KCNH1: variants seen among roughly 807,000 people sequenced by gnomAD.
KCNH1 encodes voltage-gated delayed rectifier potassium channel KCNH1.
Under a neutral mutation model 69.2 loss-of-function variants are expected in KCNH1, and 27 were observed. The observed-to-expected ratio is 0.39, with a 90% CI of 0.29 to 0.54. KCNH1 has a LOEUF of 0.54. Among genes scored for constraint, KCNH1 ranks in the 20% least tolerant of loss-of-function variants. KCNH1 has a pLI of 0.68. For missense variants in KCNH1, 798 were observed against 1,261.6 expected, an observed-to-expected ratio of 0.63 and a Z score of 5.57; for synonymous variants, 456 against 487.7, an observed-to-expected ratio of 0.93 and a Z score of 0.86.
intron 5 of KCNH1, among the ~76,000 whole-genome samples, chr1:211,059,415 T>C (rs548736717): frequency 1.3e-5 from 2 of 152,110 alleles, no homozygotes; most frequent in East Asian, 1.9e-4. Context: ...CACCCATATA[T>C]GTAAAGCAAA....
chr1:210,864,899 C>T (rs1210112957), intron 7 of KCNH1, among the ~76,000 whole-genome samples: 4 of 152,182 alleles, frequency 2.6e-5, no homozygotes, highest in African/African-American at 9.7e-5. Context: ...CAGCTAGAAC[C>T]TGAAGCTGTA....
At chr1:210,825,859 T>TATCATTCCTCATACA in intron 7 of KCNH1, among the ~76,000 whole-genome samples, 1 of 152,332 alleles carries the variant, frequency 6.6e-6, no homozygotes, top group East Asian at 1.9e-4. Flanking sequence ...GAGGAACTGG[T>TATCATTCCTCATACA]ATTTCACTTG....
chr1:211,124,202 G>A (rs151334515), intron 1 of KCNH1, among the ~76,000 whole-genome samples: 2 of 152,170 alleles, frequency 1.3e-5, no homozygotes, highest in East Asian at 1.9e-4. Flanking sequence ...GTATTTTATC[G>A]AGCTTGTAGG....
intron 10 of KCNH1, among the ~76,000 whole-genome samples, chr1:210,721,358 G>C (rs550467688): frequency 6.6e-6 from 1 of 152,310 alleles, no homozygotes; most frequent in African/African-American, 2.4e-5. Flanking sequence ...AAATTCTTCA[G>C]CGCAAGAGTT....
chr1:210,859,386 G>C, intron 7 of KCNH1: 1 of 1,566,830 alleles, frequency 6.4e-7, no homozygotes, highest in Non-Finnish European at 8.8e-7. Context: ...GATTTCGAAT[G>C]GTTTGAAAGA....
rs148849808 is a variant in KCNH1, at chr1:210,943,524, T to A, written c.1033-23455A>T. Among the ~76,000 whole-genome samples, 303 of 147,844 alleles carry A rather than the reference T, an allele frequency of 2.0e-3. 2 individuals are homozygous for A. The highest frequency in any genetic ancestry group is 6.8e-3 in the African/African-American group (272 of 40,292). On this transcript the variant is annotated intron_variant, in intron 6 of 10. Coordinates refer to ENST00000271751, the MANE Select transcript of KCNH1 (RefSeq NM_172362.3). ...CCGCCACGCCCGGCTAATTTTTGTA[T>A]TTTTTTTTTAGCAGAGACGGAGTTT...
At chr1:210,826,575 C>A (rs1685035877) in intron 7 of KCNH1, among the ~76,000 whole-genome samples, 1 of 152,188 alleles carries the variant, frequency 6.6e-6, no homozygotes, top group Non-Finnish European at 1.5e-5. Context: ...ATTATTTTTA[C>A]TTTTCCTTTC....
rs1246856856 is a variant in KCNH1 at position 210,806,806 on chromosome 1, CCAA to C, written c.1463-2643_1463-2641del. Among the ~76,000 whole-genome samples, 171 of 86,256 alleles carry C rather than the reference CCAA, an allele frequency of 2.0e-3. 17 individuals are homozygous for C. The highest frequency in any genetic ancestry group is 7.1e-3 in the African/African-American group (140 of 19,744). The allele number at this position is 86,256 out of a possible 152,430, so 56.6% of individuals were successfully genotyped here. On this transcript the variant is annotated intron_variant, in intron 7 of 10. Transcript: ENST00000271751. Reference sequence around the variant, plus strand: ...CCAATATGGTGAAACCCCATCTCTACCAAAAAAAAAAAAAAAAAAAAAAAAAAA... The same window carrying C: ...CCAATATGGTGAAACCCCATCTCTACAAAAAAAAAAAAAAAAAAAAAAAAA...
intron 1 of KCNH1, among the ~76,000 whole-genome samples, chr1:211,126,030 G>A (rs1307596695): frequency 6.6e-6 from 1 of 152,176 alleles, no homozygotes; most frequent in Admixed American, 6.5e-5. Flanking sequence ...TGAGAATCAA[G>A]GGAGATGCTG....
intron 6 of KCNH1, among the ~76,000 whole-genome samples, chr1:210,967,131 C>T (rs1009332582): frequency 2.6e-5 from 4 of 151,746 alleles, no homozygotes; most frequent in African/African-American, 9.7e-5. Flanking sequence ...AATGAGAACA[C>T]ATGGACACAG....
rs142575119 is a variant in KCNH1, at chr1:210,983,740, G to A, written c.1032+35043C>T. Among the ~76,000 whole-genome samples the A allele has an allele frequency of 8.5e-5, 13 of 152,200 alleles. No homozygotes were observed. The East Asian group carries it at 2.3e-3, about 27-fold the overall frequency. On this transcript the variant is annotated intron_variant, in intron 6 of 10. Transcript: ENST00000271751. ...AGCTTTGTTCTTTTGGCTTAGCATC[G>A]ACTTGGCGATGCGGGCTCTTTTTTG...
intron 10 of KCNH1, among the ~76,000 whole-genome samples, chr1:210,718,694 A>G (rs1431625924): frequency 7.4e-6 from 1 of 134,278 alleles, no homozygotes; most frequent in Non-Finnish European, 1.6e-5. Flanking sequence ...ACACACACAT[A>G]TATATATACA....
intron 7 of KCNH1, among the ~76,000 whole-genome samples, chr1:210,863,932 T>A (rs1354306807): frequency 6.6e-6 from 1 of 151,750 alleles, no homozygotes; most frequent in Non-Finnish European, 1.5e-5. Flanking sequence ...CTCCCGATCA[T>A]ACAAGCACAT....
At chr1:211,047,752 TAGC>T (rs1690118676) in intron 5 of KCNH1, among the ~76,000 whole-genome samples, 4 of 152,058 alleles carry the variant, frequency 2.6e-5, no homozygotes, top group Non-Finnish European at 5.9e-5. Context: ...AAGAAATAAT[TAGC>T]AGGGTAAAAA....
intron 1 of KCNH1, among the ~76,000 whole-genome samples, chr1:211,122,939 T>C (rs1054758265): frequency 6.6e-6 from 1 of 151,996 alleles, no homozygotes; most frequent in Non-Finnish European, 1.5e-5. Context: ...TGTATCCTTT[T>C]TTTTTTAGAA....
In KCNH1 at chr1:210,929,339, G is replaced by T. The variant is rs898697252; in HGVS notation, c.1033-9270C>A. 2.6e-5 allele frequency among the ~76,000 whole-genome samples: 4 copies of T among 152,190 alleles called. No individual in the cohort carries two copies. The South Asian group carries it at 8.3e-4, about 32-fold the overall frequency. ...AAAAGATAAACCACCATGATCAAGT[G>T]GGTTTCATACCAGGGATGCAGGGAT... On this transcript the variant is annotated intron_variant, in intron 6 of 10. Transcript: ENST00000271751.
At chr1:210,770,441 G>A (rs1057173973) in intron 10 of KCNH1, among the ~76,000 whole-genome samples, 3 of 152,236 alleles carry the variant, frequency 2.0e-5, no homozygotes, top group Admixed American at 2.0e-4. Context: ...GGAAACTGAG[G>A]CTCTGAATGG....
intron 9 of KCNH1, among the ~76,000 whole-genome samples, chr1:210,783,966 G>A (rs868525656): frequency 5.3e-5 from 8 of 152,292 alleles, no homozygotes; most frequent in Admixed American, 2.0e-4. Flanking sequence ...TGTGTCTAAT[G>A]GACTGAAGAG....
At chr1:210,956,297 G>C (rs748659380) in intron 6 of KCNH1, among the ~76,000 whole-genome samples, 20 of 152,126 alleles carry the variant, frequency 1.3e-4, no homozygotes, top group Non-Finnish European at 2.5e-4. Flanking sequence ...TGTTGGATTC[G>C]GTTTGCCAGT....
Sources: gnomAD v4.1 joint callset for allele counts (sites outside exome capture counted in the v4.1 genomes callset) on GRCh38, gnomAD v4.1.1 for gene constraint, MANE v1.5 for transcripts, NCBI Gene and HGNC (gene_info 2026-07-23, HGNC 2026-07-21) for gene names.